The following USH2A variants were observed in gnomAD, a reference collection of about 807,000 sequenced individuals.
The protein encoded by USH2A is usherin.
Under a neutral mutation model 538.9 loss-of-function variants are expected in USH2A, and 443 were observed. The ratio of observed to expected loss-of-function variants is 0.82; its 90% CI spans 0.76 to 0.89. The LOEUF (loss-of-function observed/expected upper bound fraction) is 0.89. Ranked by LOEUF, USH2A falls within the 40% of genes least tolerant of loss-of-function variation. The pLI is 0.00. For missense variants in USH2A, 6,633 were observed against 6,324.8 expected, an observed-to-expected ratio of 1.05 and a Z score of -1.65; for synonymous variants, 2,413 against 2,273.5, an observed-to-expected ratio of 1.06 and a Z score of -1.75.
chr1:216,030,914 ACT>A (rs1021529056), intron 32 of USH2A, among the ~76,000 whole-genome samples: 4 of 151,600 alleles, frequency 2.6e-5, no homozygotes, highest in African/African-American at 9.7e-5. Flanking sequence ...ATTTATATAG[ACT>A]CTCTAAAAAA....
At chr1:216,135,199 C>T (rs942634965) in intron 21 of USH2A, among the ~76,000 whole-genome samples, 22 of 151,318 alleles carry the variant, frequency 1.5e-4, no homozygotes, top group Non-Finnish European at 3.1e-4. Flanking sequence ...CACACACACA[C>T]ACACAATCTT....
At chr1:216,224,152 T>C (rs181585144) in intron 14 of USH2A, among the ~76,000 whole-genome samples, 2 of 152,158 alleles carry the variant, frequency 1.3e-5, no homozygotes, top group African/African-American at 4.8e-5. Context: ...GAAGAAACTT[T>C]TGGGGGTTGT....
In USH2A at chr1:215,648,756, C is replaced by A. The variant is rs1326338026; in HGVS notation, c.14354G>T (p.Gly4785Val). The A allele has an allele frequency of 6.2e-7, 1 of 1,613,964 alleles. No homozygotes were observed. The highest frequency in any genetic ancestry group is 1.7e-5 in the Admixed American group (1 of 60,012). The change falls in exon 66 of 72, where the codon GGC (glycine) becomes GTC (valine). Residue 4785 changes from glycine (G) to valine (V), a missense_variant. Gly to Val is a moderately radical substitution (Grantham distance 109). Coordinates refer to ENST00000307340, the MANE Select transcript of USH2A (RefSeq NM_206933.4). The stretch of plus-strand genomic sequence containing the variant: ...ATGGAGAGTCTGCTGGGTGGCCATG[C>A]CTTCGGATAGCTGTGGAAGGAAGGA... Reference protein sequence around the residue: ...AHGAETVLSEGMATQQTLHGL... With the variant: ...AHGAETVLSEVMATQQTLHGL...
rs187332587 is a variant in USH2A, at chr1:216,416,487, G to A, written c.651+2027C>T. Among the ~76,000 whole-genome samples, 95 of 152,178 alleles carry A rather than the reference G, an allele frequency of 6.2e-4. 1 individual carries two copies. The highest frequency in any genetic ancestry group is 1.1e-3 in the Non-Finnish European group (76 of 67,998). On this transcript the variant is annotated intron_variant, in intron 3 of 71. Transcript: ENST00000307340. Reference sequence around the variant, plus strand: ...ATAAAAGAGTGTACAAATCGAAAAGGACAAGTTTTCTCTTGATAGTCAAAC... The same window carrying A: ...ATAAAAGAGTGTACAAATCGAAAAGAACAAGTTTTCTCTTGATAGTCAAAC...
At chr1:215,758,385 C>T (rs1048237553) in intron 58 of USH2A, among the ~76,000 whole-genome samples, 5 of 151,852 alleles carry the variant, frequency 3.3e-5, no homozygotes, top group East Asian at 1.9e-4. Flanking sequence ...ATATCTACAT[C>T]GACATCTAGA....
At chr1:215,792,953 C>T (rs576737956) in intron 50 of USH2A, among the ~76,000 whole-genome samples, 1 of 152,094 alleles carries the variant, frequency 6.6e-6, no homozygotes, top group African/African-American at 2.4e-5. Flanking sequence ...TAAAGTGGTA[C>T]AGTACACATT....
intron 56 of USH2A, among the ~76,000 whole-genome samples, chr1:215,761,634 G>A (rs1157672815): frequency 2.0e-5 from 3 of 152,176 alleles, no homozygotes; most frequent in African/African-American, 2.4e-5. Flanking sequence ...GGCAGTTCTA[G>A]GGAATGCAAA....
chr1:215,710,095 G>A (rs1034854336), intron 61 of USH2A, among the ~76,000 whole-genome samples: 2 of 152,148 alleles, frequency 1.3e-5, no homozygotes, highest in African/African-American at 4.8e-5. Flanking sequence ...GGGTACATAG[G>A]GAACTCCCCA....
intron 21 of USH2A, among the ~76,000 whole-genome samples, chr1:216,123,227 C>T (rs1185638192): frequency 1.3e-5 from 2 of 152,148 alleles, no homozygotes; most frequent in Non-Finnish European, 2.9e-5. Flanking sequence ...TTTTGTTAAG[C>T]ACAGGGACTC....
chr1:215,716,050 T>A (rs1204167486), intron 61 of USH2A, among the ~76,000 whole-genome samples: 1 of 152,220 alleles, frequency 6.6e-6, no homozygotes, highest in Non-Finnish European at 1.5e-5. Flanking sequence ...TCACGTCCTG[T>A]TTTTGGTGAA....
At chr1:215,956,818 A>C (rs904738476) in intron 37 of USH2A, among the ~76,000 whole-genome samples, 3 of 152,198 alleles carry the variant, frequency 2.0e-5, no homozygotes, top group African/African-American at 4.8e-5. Flanking sequence ...AGTTTGATAA[A>C]TTAATGCTTA....
chr1:216,312,884 G>T (rs2037446752), intron 9 of USH2A, among the ~76,000 whole-genome samples: 1 of 152,052 alleles, frequency 6.6e-6, no homozygotes, highest in African/African-American at 2.4e-5. Context: ...GTAACTTTTT[G>T]TTGAAATCCA....
rs1656092103 is a variant in USH2A at position 215,627,465 on chromosome 1, C to CTTCCTTCCTTCT, written c.15519+1348_15519+1349insAGAAGGAAGGAA. ...CCTTCCTTCCTTCCTTCCTTCCTTC[C>CTTCCTTCCTTCT]TTCCTTCCTTCCTTCCTTCTTTCCT... On this transcript the variant is annotated intron_variant, in intron 71 of 71. Coordinates refer to ENST00000307340, the MANE Select transcript of USH2A (RefSeq NM_206933.4). Among the ~76,000 whole-genome samples the CTTCCTTCCTTCT allele has an allele frequency of 6.5e-4, 86 of 132,748 alleles. 1 individual carries two copies. Among genetic ancestry groups the CTTCCTTCCTTCT allele is most frequent in the African/African-American group, 2.5e-3 (79 of 31,928 alleles). 87.1% of individuals were successfully genotyped at this position (132,748 alleles called of 152,430 possible).
intron 61 of USH2A, among the ~76,000 whole-genome samples, chr1:215,716,430 A>T: frequency 6.6e-6 from 1 of 152,214 alleles, no homozygotes; most frequent in Non-Finnish European, 1.5e-5. Flanking sequence ...TCAGCAAGAG[A>T]TCAATAACCA....
chr1:216,119,761 A>G (rs1480163757), intron 21 of USH2A, among the ~76,000 whole-genome samples: 1 of 152,166 alleles, frequency 6.6e-6, no homozygotes, highest in East Asian at 1.9e-4. Context: ...TGGTCCCACA[A>G]ATACAGTTGT....
intron 9 of USH2A, among the ~76,000 whole-genome samples, chr1:216,297,588 T>A (rs1173976905): frequency 6.6e-6 from 1 of 152,104 alleles, no homozygotes; most frequent in Non-Finnish European, 1.5e-5. Context: ...AACAGAATTG[T>A]TGATCTCAAG....
chr1:215,632,048 CTTTTT>C (rs1167084328), intron 70 of USH2A, among the ~76,000 whole-genome samples: 1 of 150,972 alleles, frequency 6.6e-6, no homozygotes, highest in African/African-American at 2.4e-5. Context: ...CATCAGACTT[CTTTTT>C]TTGTTTTGTT....
chr1:216,337,943 A>G (rs1465726524), intron 4 of USH2A, among the ~76,000 whole-genome samples: 1 of 151,312 alleles, frequency 6.6e-6, no homozygotes, highest in Non-Finnish European at 1.5e-5. Context: ...CTAGGAATAA[A>G]TTTTATATTT....
At chr1:216,236,024 CAAT>C (rs939128755) in intron 13 of USH2A, among the ~76,000 whole-genome samples, 1 of 152,022 alleles carries the variant, frequency 6.6e-6, no homozygotes, top group African/African-American at 2.4e-5. Context: ...CAAATTAAAA[CAAT>C]AATAATTTTC....
Sources: allele counts gnomAD v4.1 joint callset (sites outside exome capture counted in the v4.1 genomes callset), GRCh38; gene constraint gnomAD v4.1.1; transcripts MANE v1.5; gene names NCBI Gene and HGNC (gene_info 2026-07-23, HGNC 2026-07-21).